The following TRIM49C variants were observed in gnomAD, a reference collection of about 807,000 sequenced individuals.
TRIM49C encodes tripartite motif-containing protein 49C.
A neutral mutation model predicts 21.4 loss-of-function variants in TRIM49C; 6 were observed. The ratio of observed to expected loss-of-function variants is 0.28; its 90% CI spans 0.15 to 0.55. The LOEUF (loss-of-function observed/expected upper bound fraction) is 0.55. Among genes scored for constraint, TRIM49C ranks in the 20% least tolerant of loss-of-function variants. The pLI, the probability that TRIM49C is intolerant of heterozygous loss-of-function variation, is 0.94. For synonymous variants in TRIM49C, 57 were observed against 148.1 expected (o/e 0.38, Z 4.47); for missense variants, 161 against 442.4 (o/e 0.36, Z 5.71).
At chr11:90,052,439 C>T in the TRIM49C span, 2 of 176,104 alleles carry the variant, frequency 1.1e-5, no homozygotes. Flanking sequence ...TGGTCCAGGG[C>T]GCCCCGGTCC....
At chr11:90,038,981 G>A (rs1950747700) in intron 6 of TRIM49C, among the ~76,000 whole-genome samples, 2 of 137,860 alleles carry the variant, frequency 1.5e-5, no homozygotes, top group South Asian at 2.5e-4. Context: ...GTGCAATGGC[G>A]CCATCTCGGC....
downstream of TRIM49C, among the ~76,000 whole-genome samples, chr11:90,046,339 G>C (rs1268822363): frequency 7.9e-6 from 1 of 126,040 alleles, no homozygotes; most frequent in African/African-American, 3.1e-5. Flanking sequence ...GATTGGAATA[G>C]TTTCAGAAGG....
At chr11:90,055,826 CAT>C in the TRIM49C span, among the ~76,000 whole-genome samples, 1 of 145,288 alleles carries the variant, frequency 6.9e-6, no homozygotes, top group African/African-American at 2.5e-5. Flanking sequence ...TTGGTACAAA[CAT>C]GTGAGAGAAA....
intron 2 of TRIM49C, among the ~76,000 whole-genome samples, chr11:90,034,592 T>A (rs1950711464): frequency 8.7e-6 from 1 of 114,520 alleles, no homozygotes; most frequent in Non-Finnish European, 1.7e-5. Context: ...TTTCTTTGTT[T>A]ATTTGGTTGG....
In TRIM49C at chr11:90,041,409, C is replaced by T. The variant is rs1482800549; in HGVS notation, c.1218C>T (p.Thr406=). The change falls in exon 8 of 8, where the codon ACC becomes ACT. Residue 406 remains threonine, a synonymous_variant. Coordinates refer to ENST00000448984, the MANE Select transcript of TRIM49C (RefSeq NM_001195234.1). ...TGCTGCAATATATCCCAAAACCTAC[C>T]AGCCGAGTAGGATTATTCCTGGATT... ...PLMLQYIPKP[T]SRVGLFLDCE... 7.6e-6 allele frequency: 12 copies of T among 1,580,246 alleles called. 2 individuals are homozygous for T. The highest frequency in any genetic ancestry group is 9.5e-6 in the Non-Finnish European group (11 of 1,160,292).
chr11:90,031,465 A>C (rs557191140), intron 1 of TRIM49C, among the ~76,000 whole-genome samples: 1 of 136,920 alleles, frequency 7.3e-6, no homozygotes, highest in African/African-American at 2.6e-5. Flanking sequence ...TTTTTAAAAA[A>C]AATAATTTTC....
chr11:90,064,588 G>T, the TRIM49C span, among the ~76,000 whole-genome samples: 5 of 134,402 alleles, frequency 3.7e-5, no homozygotes, highest in Non-Finnish European at 3.2e-5. Flanking sequence ...TTTTTTGGTT[G>T]TTGTTGTTGT....
chr11:90,069,967 T>C, the TRIM49C span, among the ~76,000 whole-genome samples: 11 of 131,920 alleles, frequency 8.3e-5, no homozygotes, highest in African/African-American at 3.3e-4. Flanking sequence ...TAATCATCCC[T>C]CATTCTCCTT....
the TRIM49C span, among the ~76,000 whole-genome samples, chr11:90,055,948 T>C: frequency 7.7e-6 from 1 of 130,356 alleles, no homozygotes; most frequent in Admixed American, 8.9e-5. Flanking sequence ...TTCTCTGTCA[T>C]CTGGATTCTT....
chr11:90,062,496 A>G, the TRIM49C span: 5 of 1,118,348 alleles, frequency 4.5e-6, 1 homozygote, highest in South Asian at 9.0e-5. Flanking sequence ...CACCACCTCC[A>G]TCATCTGCAT....
At chr11:90,063,139 T>C in the TRIM49C span, 1 of 557,582 alleles carries the variant, frequency 1.8e-6, no homozygotes, top group African/African-American at 2.4e-5. Context: ...TTAGCTCCAG[T>C]ACAAACTGAG....
the TRIM49C span, among the ~76,000 whole-genome samples, chr11:90,066,320 A>G: frequency 7.2e-6 from 1 of 139,436 alleles, no homozygotes; most frequent in Non-Finnish European, 1.6e-5. Flanking sequence ...GCACCGGGCC[A>G]CATGCTAACT....
At chr11:90,073,275 T>G in the TRIM49C span, 1 of 1,071,352 alleles carries the variant, frequency 9.3e-7, no homozygotes, top group South Asian at 1.3e-5. Context: ...TTTCTTAATT[T>G]TGAAAGTGGA....
At chr11:90,053,418 C>T in the TRIM49C span, 3 of 143,996 alleles carry the variant, frequency 2.1e-5, no homozygotes, top group South Asian at 1.9e-4. Context: ...CCAGTCCAGC[C>T]ATTGTGGTCA....
chr11:90,049,212 A>G, the TRIM49C span, among the ~76,000 whole-genome samples: 4 of 120,006 alleles, frequency 3.3e-5, 2 homozygotes, highest in African/African-American at 1.3e-4. Flanking sequence ...CTCAGGGACC[A>G]ACTTGAGGAG....
the TRIM49C span, among the ~76,000 whole-genome samples, chr11:90,056,096 C>A: frequency 1.5e-5 from 2 of 134,714 alleles, no homozygotes; most frequent in Non-Finnish European, 3.2e-5. Flanking sequence ...GTAGCTGGGA[C>A]TACAGGCGCC....
the TRIM49C span, among the ~76,000 whole-genome samples, chr11:90,066,633 A>C: frequency 8.8e-6 from 1 of 114,108 alleles, no homozygotes; most frequent in Non-Finnish European, 1.8e-5. Flanking sequence ...TGAAACTAAA[A>C]TCTATTTTTT....
the TRIM49C span, among the ~76,000 whole-genome samples, chr11:90,069,672 G>A: frequency 8.4e-6 from 1 of 118,396 alleles, no homozygotes; most frequent in African/African-American, 3.3e-5. Context: ...GAAAATTGAA[G>A]CCAGATCTCA....
At chr11:90,063,290 C>T in the TRIM49C span, among the ~76,000 whole-genome samples, 1 of 126,384 alleles carries the variant, frequency 7.9e-6, no homozygotes, top group Non-Finnish European at 1.6e-5. Flanking sequence ...TTGCATGTAA[C>T]GTAAACCTAT....
Sources: allele counts gnomAD v4.1 joint callset (sites outside exome capture counted in the v4.1 genomes callset), GRCh38; gene constraint gnomAD v4.1.1; transcripts MANE v1.5; gene names NCBI Gene and HGNC (gene_info 2026-07-23, HGNC 2026-07-21).